The following CRYBA4 variants were observed in gnomAD, a reference collection of about 807,000 sequenced individuals.
The protein encoded by CRYBA4 is crystallin beta A4.
CRYBA4 carries 30 observed loss-of-function variants against 31.7 expected under a neutral mutation model. The observed-to-expected ratio is 0.95, with a 90% CI of 0.71 to 1.28. The LOEUF is 1.28. Ranked by LOEUF, CRYBA4 falls within the 50% of genes most tolerant of loss-of-function variation. The pLI is 0.00. For synonymous variants in CRYBA4, 102 were observed against 102.3 expected (o/e 1.00, Z 0.02); for missense variants, 225 against 260.7 (o/e 0.86, Z 0.94).
intron 4 of CRYBA4, 32 bp from the exon 5 acceptor site, chr22:26,628,256 T>G (rs1311606923): frequency 1.2e-6 from 2 of 1,613,604 alleles, no homozygotes; most frequent in Admixed American, 3.3e-5. Context: ...ACTGGGAGCC[T>G]GCTGGTCTGA....
the CRYBA4 span, among the ~76,000 whole-genome samples, chr22:26,611,449 AGTTTGTTTTTTTTTTTTTT>A: frequency 2.7e-5 from 4 of 146,232 alleles, no homozygotes; most frequent in Non-Finnish European, 6.0e-5. Flanking sequence ...AATGGGCTAG[AGTTTGTTTTTTTTTTTTTT>A]GTTTTTTTTT....
chr22:26,592,474 G>A, the CRYBA4 span, among the ~76,000 whole-genome samples: 2 of 152,248 alleles, frequency 1.3e-5, no homozygotes, highest in African/African-American at 2.4e-5. Context: ...ACATGCCAGA[G>A]GCATGGGTGG....
Position 26,630,595 on chromosome 22 carries a change from C to T in CRYBA4, c.*108C>T. 1.0e-6 allele frequency: 1 copy of T among 965,634 alleles called. No individual in the cohort carries two copies. The highest frequency in any genetic ancestry group is 1.6e-6 in the Non-Finnish European group (1 of 628,150). The allele number at this position is 965,634 out of a possible 1,614,324, so 59.8% of individuals were successfully genotyped here. Reference sequence around the variant, plus strand: ...GCCTCCCCCTGTAACCTGTGTGAACCCAGCACCCATGTGAACTGGTCCGTG... The same window carrying T: ...GCCTCCCCCTGTAACCTGTGTGAACTCAGCACCCATGTGAACTGGTCCGTG... On this transcript the variant is annotated 3_prime_UTR_variant, in exon 6 of 6. Transcript: ENST00000354760.
the CRYBA4 span, among the ~76,000 whole-genome samples, chr22:26,596,887 T>C: frequency 6.6e-6 from 1 of 152,234 alleles, no homozygotes; most frequent in Non-Finnish European, 1.5e-5. Flanking sequence ...TGTCGTTTTA[T>C]AGAAGAGAAA....
the CRYBA4 span, among the ~76,000 whole-genome samples, chr22:26,615,648 G>T: frequency 6.6e-6 from 1 of 151,938 alleles, no homozygotes; most frequent in South Asian, 2.1e-4. Flanking sequence ...CAAGTAGCTG[G>T]GATTACAGGC....
chr22:26,627,416 C>CTTTT (rs1439547289), intron 4 of CRYBA4, among the ~76,000 whole-genome samples: 1 of 78,314 alleles, frequency 1.3e-5, no homozygotes, highest in Non-Finnish European at 2.1e-5. Flanking sequence ...TTCTTTCTTT[C>CTTTT]TTTCTTTCTT....
chr22:26,593,098 G>A, the CRYBA4 span, among the ~76,000 whole-genome samples: 1 of 152,142 alleles, frequency 6.6e-6, no homozygotes, highest in Non-Finnish European at 1.5e-5. Context: ...TTTGAAGGCA[G>A]ACAAAATAAT....
chr22:26,608,127 A>G, the CRYBA4 span: 1 of 1,532,700 alleles, frequency 6.5e-7, no homozygotes, highest in East Asian at 2.3e-5. Flanking sequence ...CCCTGAGGAC[A>G]GTAGGAAAGT....
the CRYBA4 span, among the ~76,000 whole-genome samples, chr22:26,604,379 A>T: frequency 5.4e-4 from 82 of 152,368 alleles, no homozygotes; most frequent in African/African-American, 1.9e-3. Context: ...GGATGCTGTG[A>T]TTATCTACTG....
At chr22:26,605,671 CAAAAAAAAAA>C in the CRYBA4 span, among the ~76,000 whole-genome samples, 1 of 54,214 alleles carries the variant, frequency 1.8e-5, no homozygotes, top group African/African-American at 6.9e-5. Context: ...AGATGTGTCT[CAAAAAAAAAA>C]AAAAAAAAAA....
At chr22:26,595,963 G>A in the CRYBA4 span, among the ~76,000 whole-genome samples, 7 of 151,722 alleles carry the variant, frequency 4.6e-5, no homozygotes, top group East Asian at 1.4e-3. Context: ...GTAGAGGTAA[G>A]GTCTCACCAT....
intron 4 of CRYBA4, among the ~76,000 whole-genome samples, chr22:26,626,394 ACT>A (rs1159330296): frequency 1.3e-5 from 2 of 152,200 alleles, no homozygotes; most frequent in African/African-American, 4.8e-5. Context: ...CCAGAGCAAG[ACT>A]CTGTCTCAAA....
At chr22:26,623,454 C>A (rs988527604) in intron 3 of CRYBA4, 102 bp downstream of exon 3, 8 of 906,192 alleles carry the variant, frequency 8.8e-6, no homozygotes, top group Admixed American at 5.6e-5. Context: ...TCTCCCTAGG[C>A]TCTTACTGTT....
chr22:26,608,636 G>T, the CRYBA4 span, among the ~76,000 whole-genome samples: 1 of 151,932 alleles, frequency 6.6e-6, no homozygotes, highest in African/African-American at 2.4e-5. Flanking sequence ...TGGTGTCAGG[G>T]TTCTTTTAAA....
At chr22:26,627,558 TTCA>T (rs1185546566) in intron 4 of CRYBA4, among the ~76,000 whole-genome samples, 2 of 144,826 alleles carry the variant, frequency 1.4e-5, no homozygotes, top group Non-Finnish European at 3.0e-5. Flanking sequence ...CTTTCCTTCT[TTCA>T]TTCTCTGTCT....
chr22:26,627,283 T>C (rs140547860), intron 4 of CRYBA4, among the ~76,000 whole-genome samples: 43 of 151,394 alleles, frequency 2.8e-4, no homozygotes, highest in African/African-American at 9.9e-4. Context: ...TGAGATGATA[T>C]CTCTACACCT....
At chr22:26,615,271 A>G in the CRYBA4 span, among the ~76,000 whole-genome samples, 1 of 152,184 alleles carries the variant, frequency 6.6e-6, no homozygotes, top group East Asian at 1.9e-4. Flanking sequence ...AGCCCAGACC[A>G]CCTCGAGCAA....
At chr22:26,610,845 CAG>C in the CRYBA4 span, among the ~76,000 whole-genome samples, 16 of 152,282 alleles carry the variant, frequency 1.1e-4, no homozygotes, top group South Asian at 2.5e-3. Flanking sequence ...ACAAGGCAAA[CAG>C]GGGAAGTCAG....
At chr22:26,606,837 A>T in the CRYBA4 span, among the ~76,000 whole-genome samples, 2 of 152,228 alleles carry the variant, frequency 1.3e-5, no homozygotes, top group East Asian at 3.8e-4. Context: ...AGTAAGATGT[A>T]GCTGGTTCAT....
Sources: allele counts gnomAD v4.1 joint callset (sites outside exome capture counted in the v4.1 genomes callset), GRCh38; gene constraint gnomAD v4.1.1; transcripts MANE v1.5; gene names NCBI Gene and HGNC (gene_info 2026-07-23, HGNC 2026-07-21).